TMPRSS11F: variants seen among roughly 807,000 people sequenced by gnomAD.
TMPRSS11F encodes the protein transmembrane protease serine 11F.
Under a neutral mutation model 60.2 loss-of-function variants are expected in TMPRSS11F, and 47 were observed. The observed-to-expected ratio is 0.78, with a 90% CI of 0.62 to 1.00. TMPRSS11F has a LOEUF of 1.00. TMPRSS11F is among the 50% of genes least tolerant of loss of function. TMPRSS11F has a pLI of 0.00. For missense variants in TMPRSS11F, 519 were observed against 522.9 expected (o/e 0.99, Z 0.07); for synonymous variants, 166 against 167.3 (o/e 0.99, Z 0.06).
intron 1 of TMPRSS11F, among the ~76,000 whole-genome samples, chr4:68,109,663 C>G (rs535471225): frequency 6.6e-6 from 1 of 152,066 alleles, no homozygotes; most frequent in African/African-American, 2.4e-5. Context: ...ATGAGTTGGC[C>G]AAGGGTTTAA....
In TMPRSS11F at chr4:68,064,847, A is replaced by G. The variant is rs747098148; in HGVS notation, c.853T>C (p.Tyr285His). 5 of 1,614,126 alleles carry G rather than the reference A, an allele frequency of 3.1e-6. No homozygotes were observed. The South Asian group carries it at 5.5e-5, about 18-fold the overall frequency. The stretch of plus-strand genomic sequence containing the variant: ...TCATTTTCATTTGTTTCTCTATGGT[A>G]ATTCTCATGAAGAATAATTTTCCTC... ...NVRKIILHEN[Y>H]HRETNENDIA... Residue 285 changes from tyrosine (Y) to histidine (H), a missense_variant, in exon 8 of 10, where the codon TAC (tyrosine) becomes CAC (histidine). By Grantham distance (83) the Tyr-to-His change is moderately conservative (BLOSUM62 2). Coordinates refer to ENST00000356291, the MANE Select transcript of TMPRSS11F (RefSeq NM_207407.2).
At chr4:68,059,627 A>C (rs988929768) in intron 8 of TMPRSS11F, among the ~76,000 whole-genome samples, 159 bp from the exon 9 acceptor site, 1 of 152,236 alleles carries the variant, frequency 6.6e-6, no homozygotes, top group Non-Finnish European at 1.5e-5. Flanking sequence ...CATGCAAGGA[A>C]TCATAAACAT....
chr4:68,067,980 C>G (rs1004026635), intron 7 of TMPRSS11F, among the ~76,000 whole-genome samples: 2 of 152,170 alleles, frequency 1.3e-5, no homozygotes, highest in Admixed American at 1.3e-4. Flanking sequence ...CTATGTATGT[C>G]TCTGTACATG....
intron 1 of TMPRSS11F, among the ~76,000 whole-genome samples, chr4:68,116,748 T>C (rs1395922555): frequency 1.3e-5 from 2 of 152,180 alleles, no homozygotes; most frequent in Non-Finnish European, 2.9e-5. Flanking sequence ...GTATAAAAGA[T>C]AGTGTCCTCA....
chr4:68,053,812 C>A lies in TMPRSS11F; in HGVS notation c.*97G>T. 1 of 1,290,836 alleles carries A rather than the reference C, an allele frequency of 7.7e-7. No homozygotes were observed. Among genetic ancestry groups the A allele is most frequent in the Non-Finnish European group, 1.1e-6 (1 of 930,748 alleles). The allele number at this position is 1,290,836 out of a possible 1,614,324, so 80.0% of individuals were successfully genotyped here. ...GTCTGAAGGGCTTCTTGACATCTAGCAAAAGCACTAATCCAAAGTAAATGA... is the reference window on the plus strand; with the variant it reads ...GTCTGAAGGGCTTCTTGACATCTAGAAAAAGCACTAATCCAAAGTAAATGA... On this transcript the variant is annotated 3_prime_UTR_variant, in exon 10 of 10. Coordinates refer to ENST00000356291, the MANE Select transcript of TMPRSS11F (RefSeq NM_207407.2).
chr4:68,111,062 A>G (rs904328070), intron 1 of TMPRSS11F, among the ~76,000 whole-genome samples: 1 of 152,146 alleles, frequency 6.6e-6, no homozygotes, highest in Admixed American at 6.5e-5. Flanking sequence ...CACCAATTAG[A>G]GACTGTTTTT....
At chr4:68,060,962 T>C (rs559786864) in intron 8 of TMPRSS11F, among the ~76,000 whole-genome samples, 1 of 152,166 alleles carries the variant, frequency 6.6e-6, no homozygotes, top group African/African-American at 2.4e-5. Context: ...AGCAATGATA[T>C]ACTGCTTTTT....
rs199791159 is a variant in TMPRSS11F, at chr4:68,092,130, A to AT, written c.164-1490dup. On this transcript the variant is annotated intron_variant, in intron 2 of 9. Coordinates refer to ENST00000356291, the MANE Select transcript of TMPRSS11F (RefSeq NM_207407.2). ...GCATTTTAAACATTCATTTTAAAAC[A>AT]TTTTTTCAATGTTGAAAACATTTAA... Among the ~76,000 whole-genome samples the AT allele has an allele frequency of 1.7e-3, 252 of 152,218 alleles. 2 individuals are homozygous for AT. The highest frequency in any genetic ancestry group is 5.9e-3 in the African/African-American group (245 of 41,532).
intron 1 of TMPRSS11F, among the ~76,000 whole-genome samples, chr4:68,106,631 T>C (rs1044932276): frequency 6.6e-6 from 1 of 152,076 alleles, no homozygotes; most frequent in African/African-American, 2.4e-5. Flanking sequence ...AGTTAATACA[T>C]CAAAATTAGC....
chr4:68,104,680 A>G (rs987806362), intron 1 of TMPRSS11F, among the ~76,000 whole-genome samples: 1 of 152,194 alleles, frequency 6.6e-6, no homozygotes, highest in Non-Finnish European at 1.5e-5. Flanking sequence ...AGAATGGACT[A>G]GTACACCTTC....
At chr4:68,095,535 T>C (rs1430291703) in intron 2 of TMPRSS11F, among the ~76,000 whole-genome samples, 1 of 152,102 alleles carries the variant, frequency 6.6e-6, no homozygotes, top group Non-Finnish European at 1.5e-5. Flanking sequence ...TTGGTGAGGA[T>C]ATGGAGCAAT....
intron 2 of TMPRSS11F, 108 bp downstream of exon 2, chr4:68,098,779 T>A (rs971748887): frequency 8.8e-6 from 9 of 1,024,696 alleles, no homozygotes; most frequent in Non-Finnish European, 1.3e-5. Context: ...AAAAGACTGG[T>A]AATTAAAATG....
intron 1 of TMPRSS11F, among the ~76,000 whole-genome samples, chr4:68,122,811 T>A (rs1295473252): frequency 1.3e-5 from 2 of 152,230 alleles, no homozygotes; most frequent in East Asian, 1.9e-4. Context: ...TGCACATTAA[T>A]GCTGCCTGAA....
chr4:68,085,631 T>C (rs1460764028), intron 3 of TMPRSS11F, among the ~76,000 whole-genome samples: 4 of 152,134 alleles, frequency 2.6e-5, no homozygotes, highest in Non-Finnish European at 4.4e-5. Flanking sequence ...CAGTGGCAAG[T>C]TGGATAAAAA....
At position 68,109,098 on chromosome 4, in the gene TMPRSS11F, T is replaced by G. The variant is rs548929000; in HGVS notation, c.12-10060A>C. Among the ~76,000 whole-genome samples, 17 of 152,278 alleles carry G rather than the reference T, an allele frequency of 1.1e-4. No individual in the cohort carries two copies. In the South Asian group the frequency reaches 1.7e-3, roughly 15 times the overall value. Reference sequence around the variant, plus strand: ...GGCATGCATTCCCAAAGTTTGCATCTCCTACACTAACTATATTTTCTTAGG... The same window carrying G: ...GGCATGCATTCCCAAAGTTTGCATCGCCTACACTAACTATATTTTCTTAGG... On this transcript the variant is annotated intron_variant, in intron 1 of 9. Transcript: ENST00000356291.
chr4:68,127,837 ACAC>A (rs1724743027), intron 1 of TMPRSS11F, among the ~76,000 whole-genome samples: 1 of 152,144 alleles, frequency 6.6e-6, no homozygotes. Flanking sequence ...CTATTTAAAT[ACAC>A]CAACAACAAA....
intron 1 of TMPRSS11F, among the ~76,000 whole-genome samples, chr4:68,121,004 C>A (rs1334403634): frequency 6.6e-6 from 1 of 152,150 alleles, no homozygotes; most frequent in African/African-American, 2.4e-5. Flanking sequence ...ATTTGTGGCA[C>A]TCACTATTGT....
intron 1 of TMPRSS11F, among the ~76,000 whole-genome samples, chr4:68,101,897 A>G (rs1724199002): frequency 6.6e-6 from 1 of 152,082 alleles, no homozygotes; most frequent in African/African-American, 2.4e-5. Flanking sequence ...ATACAATTTT[A>G]TTACCTATAG....
rs143470936 is a variant in TMPRSS11F at position 68,064,229 on chromosome 4, G to C, written c.1015+456C>G. Among the ~76,000 whole-genome samples, 76 of 149,454 alleles carry C rather than the reference G, an allele frequency of 5.1e-4. 2 individuals carry two copies. The South Asian group carries it at 0.013, about 26-fold the overall frequency. On this transcript the variant is annotated intron_variant, in intron 8 of 9. Transcript: ENST00000356291. ...AGACGGAGTCTAGCTCTGTCACCCA[G>C]GTAGGAGTGCAATGTTTCGATCTCA...
Sources: allele counts gnomAD v4.1 joint callset (sites outside exome capture counted in the v4.1 genomes callset), GRCh38; gene constraint gnomAD v4.1.1; transcripts MANE v1.5; gene names NCBI Gene and HGNC (gene_info 2026-07-23, HGNC 2026-07-21).